Variants in TECPR1 observed in about 807,000 individuals in gnomAD.
TECPR1 encodes tectonin beta-propeller repeat-containing protein 1.
A neutral mutation model predicts 162.4 loss-of-function variants in TECPR1; 122 were observed. The ratio of observed to expected loss-of-function variants is 0.75; its 90% CI spans 0.65 to 0.87. TECPR1 has a LOEUF of 0.87. TECPR1 is among the 40% of genes least tolerant of loss of function. The pLI, the probability that TECPR1 is intolerant of heterozygous loss-of-function variation, is 0.00. For synonymous variants in TECPR1, 642 were observed against 670.6 expected (o/e 0.96, Z 0.66); for missense variants, 1,432 against 1,618.2 (o/e 0.88, Z 1.97).
intron 10 of TECPR1, among the ~76,000 whole-genome samples, chr7:98,235,546 A>G (rs1364842870): frequency 7.5e-6 from 1 of 134,180 alleles, no homozygotes; most frequent in Non-Finnish European, 1.6e-5. Context: ...AAAAAGAACT[A>G]CCAGCTGGCG....
intron 23 of TECPR1, among the ~76,000 whole-genome samples, chr7:98,220,548 G>A (rs1037405359): frequency 1.5e-5 from 2 of 137,680 alleles, no homozygotes; most frequent in African/African-American, 2.8e-5. Flanking sequence ...TTATAGGTGC[G>A]CACTACCACA....
chr7:98,216,167 T>G lies in TECPR1; in HGVS notation c.*1223A>C, dbSNP rs1798002680. On this transcript the variant is annotated 3_prime_UTR_variant, in exon 26 of 26. Coordinates refer to ENST00000447648, the MANE Select transcript of TECPR1 (RefSeq NM_015395.3). ...GACTGCGGGATGGGGTCGGGGCCAC[T>G]TGGCCGACACCTTCTGCCTCGCCTG... The G allele has an allele frequency of 6.6e-6, 1 of 152,356 alleles. No homozygotes were observed. The highest frequency in any genetic ancestry group is 1.5e-5 in the Non-Finnish European group (1 of 68,140). 9.4% of individuals were successfully genotyped at this position (152,356 alleles called of 1,614,324 possible).
chr7:98,220,594 T>C (rs1481491097), intron 23 of TECPR1, among the ~76,000 whole-genome samples: 1 of 151,406 alleles, frequency 6.6e-6, no homozygotes, highest in Admixed American at 6.6e-5. Flanking sequence ...AGTCTCGCTC[T>C]GTCACCCAGG....
At chr7:98,226,950 A>G (rs1011871738) in intron 17 of TECPR1, among the ~76,000 whole-genome samples, 14 of 151,876 alleles carry the variant, frequency 9.2e-5, no homozygotes, top group African/African-American at 3.4e-4. Flanking sequence ...AAAACAAAAA[A>G]AACAAAGAAA....
In TECPR1 at chr7:98,248,845, C is replaced by CAA. The variant is rs71112130; in HGVS notation, c.-20+2547_-20+2548dup. Reference sequence around the variant, plus strand: ...TGGATGACAGAGTGCGACTCCGTCTCAAAAAAAAACAAAACAAAAAACTAG... The same window carrying CAA: ...TGGATGACAGAGTGCGACTCCGTCTCAAAAAAAAAAACAAAACAAAAAACTAG... On this transcript the variant is annotated intron_variant, in intron 2 of 25. Transcript: ENST00000447648. 4.9e-3 allele frequency among the ~76,000 whole-genome samples: 713 copies of CAA among 144,940 alleles called. 10 individuals carry two copies. The highest frequency in any genetic ancestry group is 0.017 in the African/African-American group (650 of 39,208).
intron 13 of TECPR1, 151 bp from the exon 14 acceptor site, chr7:98,231,524 T>G: frequency 3.4e-6 from 2 of 595,698 alleles, no homozygotes; most frequent in Non-Finnish European, 5.1e-6. Flanking sequence ...GGTACTTCAT[T>G]TCTTTACCCC....
At chr7:98,233,017 G>A (rs373830352) in intron 11 of TECPR1, 45 bp from the exon 12 acceptor site, 21 of 1,539,222 alleles carry the variant, frequency 1.4e-5, no homozygotes, top group South Asian at 7.3e-5. Context: ...TGTCCTGCCC[G>A]CAGCTGGGCA....
At chr7:98,238,766 G>A (rs6976731) in intron 8 of TECPR1, among the ~76,000 whole-genome samples, 156 bp from the exon 9 acceptor site, 156 of 151,698 alleles carry the variant, frequency 1.0e-3, no homozygotes, top group East Asian at 8.5e-3. Flanking sequence ...GCCCTTATCC[G>A]TGATCCACGC....
chr7:98,221,367 TGAG>T (rs1475762816), intron 23 of TECPR1, among the ~76,000 whole-genome samples: 1 of 152,150 alleles, frequency 6.6e-6, no homozygotes, highest in Non-Finnish European at 1.5e-5. Flanking sequence ...CATAAAGGCT[TGAG>T]GAGGTGGATA....
chr7:98,236,917 C>T lies in TECPR1; in HGVS notation c.1040G>A (p.Trp347Ter). Residue 347 changes from tryptophan (W) to a stop codon, truncating the protein, a stop_gained, in exon 10 of 26, where the codon TGG (tryptophan) becomes TAG (stop). Coordinates refer to ENST00000447648, the MANE Select transcript of TECPR1 (RefSeq NM_015395.3). LOFTEE classifies it high-confidence loss of function. ...MVNVGMNDQVWGIGCEDRAVY... is the reference protein window; with the variant it reads ...MVNVGMNDQV Reference sequence around the variant, plus strand: ...GGCTCGGTCCTCACAGCCAATGCCCCACACCTGGAAGAGAGAGGCTGTGTT... The same window carrying T: ...GGCTCGGTCCTCACAGCCAATGCCCTACACCTGGAAGAGAGAGGCTGTGTT... The T allele has an allele frequency of 1.9e-6, 3 of 1,555,074 alleles. No individual in the cohort carries two copies. The highest frequency in any genetic ancestry group is 2.6e-6 in the Non-Finnish European group (3 of 1,149,356).
In TECPR1 at chr7:98,243,420, G is replaced by A. The variant is rs565173856; in HGVS notation, c.657+47C>T. 9.0e-5 allele frequency: 144 copies of A among 1,607,644 alleles called. 1 individual carries two copies. In the South Asian group the frequency reaches 1.5e-3, roughly 17 times the overall value. On this transcript the variant is annotated intron_variant, in intron 6 of 25. Coordinates refer to ENST00000447648, the MANE Select transcript of TECPR1 (RefSeq NM_015395.3). Reference sequence around the variant, plus strand: ...GGGGTGCACAGGACAGGACCCACAGGAGGTGGGATCGTGGGGAGCCAGGGC... The same window carrying A: ...GGGGTGCACAGGACAGGACCCACAGAAGGTGGGATCGTGGGGAGCCAGGGC...
chr7:98,233,095 C>G, intron 11 of TECPR1, 123 bp from the exon 12 acceptor site: 1 of 1,194,926 alleles, frequency 8.4e-7, no homozygotes, highest in Non-Finnish European at 1.1e-6. Flanking sequence ...CTCTGTTAAG[C>G]CTCCTTCCAC....
rs34911641 is a variant in TECPR1, at chr7:98,216,723, A to AT, written c.*666dup. 27,606 of 147,436 alleles carry AT rather than the reference A, an allele frequency of 0.19. 2,657 individuals carry two copies. Among genetic ancestry groups the AT allele is most frequent in the East Asian group, 0.31 (1,541 of 4,948 alleles). The allele number at this position is 147,436 out of a possible 1,614,324, so 9.1% of individuals were successfully genotyped here. ...AGGCACCCACCACCATGCCCAGCTA[A>AT]TTTTTTTTTTTTTGTATTTTTAGCA... On this transcript the variant is annotated 3_prime_UTR_variant, in exon 26 of 26. Transcript: ENST00000447648.
At chr7:98,233,013 G>A in intron 11 of TECPR1, 41 bp from the exon 12 acceptor site, 1 of 1,553,962 alleles carries the variant, frequency 6.4e-7, no homozygotes, top group Non-Finnish European at 8.7e-7. Context: ...GCACTGTCCT[G>A]CCCGCAGCTG....
At chr7:98,230,735 C>A (rs973399230) in intron 15 of TECPR1, among the ~76,000 whole-genome samples, 1 of 152,194 alleles carries the variant, frequency 6.6e-6, no homozygotes, top group East Asian at 1.9e-4. Context: ...GGCTGCTGGG[C>A]GGCACTGACC....
In TECPR1 at chr7:98,223,643, C is replaced by T. The variant is rs997534920; in HGVS notation, c.2747+19G>A. On this transcript the variant is annotated intron_variant, in intron 20 of 25. Coordinates refer to ENST00000447648, the MANE Select transcript of TECPR1 (RefSeq NM_015395.3). ...TCCAGGAGCCTGACCGTGACAGTCA[C>T]CCTGCAGCCCTGCCTCACCTGGCCC... 14 of 1,613,390 alleles carry T rather than the reference C, an allele frequency of 8.7e-6. No individual in the cohort carries two copies. In the African/African-American group the frequency reaches 1.9e-4, roughly 22 times the overall value.
At position 98,244,635 on chromosome 7, in the gene TECPR1, GA is replaced by G. The variant is rs1305098533; in HGVS notation, c.466del (p.Ser156LeufsTer41). The G allele has an allele frequency of 6.2e-6, 10 of 1,613,072 alleles. No homozygotes were observed. Among genetic ancestry groups the G allele is most frequent in the Non-Finnish European group, 8.5e-6 (10 of 1,179,616 alleles). On this transcript the variant is annotated frameshift_variant, in exon 5 of 26. Coordinates refer to ENST00000447648, the MANE Select transcript of TECPR1 (RefSeq NM_015395.3). LOFTEE classifies it high-confidence loss of function. ...ATYTKDKKWN[S>X]CVRRRKWIRY... ...GATCCACTTCCGGCGCCGCACACAA[GA>G]ATTCCACTTCTTGTCTTTCGTGTAG...
chr7:98,226,207 G>C (rs1798276293), intron 17 of TECPR1, among the ~76,000 whole-genome samples: 1 of 152,240 alleles, frequency 6.6e-6, no homozygotes, highest in Non-Finnish European at 1.5e-5. Context: ...CTGCCAGGCT[G>C]TGTGGACACT....
At chr7:98,244,779 A>C in intron 4 of TECPR1, 86 bp from the exon 5 acceptor site, 1 of 1,581,718 alleles carries the variant, frequency 6.3e-7, no homozygotes, top group East Asian at 2.2e-5. Flanking sequence ...GTGTGGCCTG[A>C]AACACCCGAG....
Sources: allele counts gnomAD v4.1 joint callset (sites outside exome capture counted in the v4.1 genomes callset), GRCh38; gene constraint gnomAD v4.1.1; transcripts MANE v1.5; gene names NCBI Gene and HGNC (gene_info 2026-07-23, HGNC 2026-07-21).